UNC13C: variants seen among roughly 807,000 people sequenced by gnomAD.
UNC13C encodes the protein protein unc-13 homolog C.
UNC13C carries 174 observed loss-of-function variants against 245.4 expected under a neutral mutation model. The ratio of observed to expected loss-of-function variants is 0.71; its 90% CI spans 0.63 to 0.80. The LOEUF (loss-of-function observed/expected upper bound fraction) is 0.80. Among genes scored for constraint, UNC13C ranks in the 30% least tolerant of loss-of-function variants. The pLI is 0.00. For missense variants in UNC13C, 2,829 were observed against 2,602.9 expected (o/e 1.09, Z -1.89); for synonymous variants, 992 against 895.1 (o/e 1.11, Z -1.93).
chr15:54,237,591 T>C, intron 6 of UNC13C, 28 bp from the exon 7 acceptor site: 2 of 1,584,056 alleles, frequency 1.3e-6, no homozygotes, highest in Non-Finnish European at 1.7e-6. Flanking sequence ...CCCTATGTAT[T>C]AATAAGTCAT....
intron 14 of UNC13C, among the ~76,000 whole-genome samples, chr15:54,324,108 T>C (rs62012029): frequency 0.37 from 55,813 of 151,860 alleles, 10,652 homozygotes; most frequent in African/African-American, 0.42. Context: ...GAAATGTTTC[T>C]TCAAACTACA....
At chr15:53,900,893 C>T in the UNC13C span, among the ~76,000 whole-genome samples, 1 of 152,064 alleles carries the variant, frequency 6.6e-6, no homozygotes, top group Admixed American at 6.6e-5. Context: ...CTTCTTTTTC[C>T]ATAAGGGTTT....
At chr15:54,118,030 T>C (rs2030396196) in intron 2 of UNC13C, among the ~76,000 whole-genome samples, 2 of 152,202 alleles carry the variant, frequency 1.3e-5, no homozygotes. Context: ...GCCAATACCA[T>C]GCTGATTTGG....
chr15:54,541,053 A>G (rs1439245330), intron 26 of UNC13C, among the ~76,000 whole-genome samples: 1 of 152,008 alleles, frequency 6.6e-6, no homozygotes, highest in Non-Finnish European at 1.5e-5. Flanking sequence ...GGTACCCCTG[A>G]AAAACAGTTT....
intron 11 of UNC13C, among the ~76,000 whole-genome samples, chr15:54,294,894 A>G (rs2037389262): frequency 6.6e-6 from 1 of 152,228 alleles, no homozygotes; most frequent in Admixed American, 6.5e-5. Flanking sequence ...CTTTAAAAAA[A>G]TCTGCATACT....
chr15:54,589,289 CTTTTTTTT>C (rs71105821), intron 30 of UNC13C, among the ~76,000 whole-genome samples: 2 of 53,486 alleles, frequency 3.7e-5, no homozygotes, highest in Non-Finnish European at 6.7e-5. Flanking sequence ...TCTTCTTCTT[CTTTTTTTT>C]TTTTTTTTTT....
chr15:54,175,830 TGTG>T (rs1296311639), intron 4 of UNC13C, among the ~76,000 whole-genome samples: 1 of 152,194 alleles, frequency 6.6e-6, no homozygotes, highest in African/African-American at 2.4e-5. Flanking sequence ...TTATGGGTCA[TGTG>T]GTGGCACACT....
chr15:54,085,566 A>C (rs1899192508), intron 2 of UNC13C, among the ~76,000 whole-genome samples: 1 of 152,084 alleles, frequency 6.6e-6, no homozygotes, highest in African/African-American at 2.4e-5. Flanking sequence ...AAGATACACC[A>C]ACCTTTGCCT....
chr15:54,242,361 T>C (rs1217175449), intron 7 of UNC13C, among the ~76,000 whole-genome samples: 7 of 152,194 alleles, frequency 4.6e-5, no homozygotes, highest in Non-Finnish European at 5.9e-5. Context: ...ATTCTTGAGT[T>C]AGTCTAGACA....
chr15:54,585,718 T>A (rs1898455732), intron 30 of UNC13C, among the ~76,000 whole-genome samples: 1 of 151,964 alleles, frequency 6.6e-6, no homozygotes, highest in Non-Finnish European at 1.5e-5. Context: ...TAAACCAGAG[T>A]GAGATGCACG....
chr15:53,879,967 G>GTGTGTT, the UNC13C span, among the ~76,000 whole-genome samples: 3 of 150,948 alleles, frequency 2.0e-5, no homozygotes, highest in East Asian at 5.9e-4. Context: ...GTGTGTGTGT[G>GTGTGTT]TGTGTATATA....
At chr15:54,530,936 G>A (rs986375765) in intron 25 of UNC13C, among the ~76,000 whole-genome samples, 1 of 152,136 alleles carries the variant, frequency 6.6e-6, no homozygotes, top group South Asian at 2.1e-4. Context: ...TAGCAAAGGA[G>A]GAACATGATC....
intron 2 of UNC13C, among the ~76,000 whole-genome samples, chr15:54,030,925 T>C (rs1193746078): frequency 6.6e-6 from 1 of 152,202 alleles, no homozygotes; most frequent in Non-Finnish European, 1.5e-5. Context: ...ACTGTTGCAT[T>C]TGGAATTAAG....
intron 19 of UNC13C, among the ~76,000 whole-genome samples, chr15:54,422,086 A>G (rs559731449): frequency 1.3e-5 from 2 of 151,954 alleles, no homozygotes; most frequent in East Asian, 1.9e-4. Context: ...CCCAAACCCT[A>G]TTCCTCTCTT....
At chr15:53,947,911 A>G in the UNC13C span, 3 of 152,242 alleles carry the variant, frequency 2.0e-5, no homozygotes, top group South Asian at 2.1e-4. Flanking sequence ...CTTTGTCTTC[A>G]GAAACATATC....
chr15:53,857,484 A>G, the UNC13C span, among the ~76,000 whole-genome samples: 2 of 152,196 alleles, frequency 1.3e-5, no homozygotes, highest in Non-Finnish European at 2.9e-5. Flanking sequence ...GCTCAGAATC[A>G]GATTTGGGAA....
chr15:53,971,966 A>T, the UNC13C span, among the ~76,000 whole-genome samples: 1 of 152,220 alleles, frequency 6.6e-6, no homozygotes, highest in Non-Finnish European at 1.5e-5. Context: ...TCATAAATCA[A>T]AATTACCAAC....
At chr15:54,597,024 G>A (rs1454017461) in intron 30 of UNC13C, among the ~76,000 whole-genome samples, 1 of 152,162 alleles carries the variant, frequency 6.6e-6, no homozygotes, top group Non-Finnish European at 1.5e-5. Context: ...AGGAAGAGCT[G>A]TTCCCAATCT....
intron 4 of UNC13C, among the ~76,000 whole-genome samples, chr15:54,177,277 T>G (rs1567071033): frequency 6.6e-6 from 1 of 152,118 alleles, no homozygotes; most frequent in Non-Finnish European, 1.5e-5. Context: ...TTACCAGAGG[T>G]ACTGTATGTA....
Sources: allele counts gnomAD v4.1 joint callset (sites outside exome capture counted in the v4.1 genomes callset), GRCh38; gene constraint gnomAD v4.1.1; transcripts MANE v1.5; gene names NCBI Gene and HGNC (gene_info 2026-07-23, HGNC 2026-07-21).